Variants in MACROD2 observed in about 807,000 individuals in gnomAD.
The protein encoded by MACROD2 is mono-ADP ribosylhydrolase 2, also known as ADP-ribose glycohydrolase MACROD2.
A neutral mutation model predicts 70.4 loss-of-function variants in MACROD2; 36 were observed. The ratio of observed to expected loss-of-function variants is 0.51; its 90% CI spans 0.39 to 0.68. The LOEUF (loss-of-function observed/expected upper bound fraction) is 0.68, where lower values mean the gene tolerates loss of function less well. MACROD2 is among the 30% of genes least tolerant of loss of function. The probability of loss-of-function intolerance (pLI) is 0.00; values close to 1 mark genes in which losing one functional copy is unlikely to be tolerated. For synonymous variants in MACROD2, 172 were observed against 178.8 expected (o/e 0.96, Z 0.30); for missense variants, 496 against 538.4 (o/e 0.92, Z 0.78).
intron 3 of MACROD2, among the ~76,000 whole-genome samples, chr20:14,129,845 G>C (rs2054696043): frequency 6.6e-6 from 1 of 152,144 alleles, no homozygotes; most frequent in African/African-American, 2.4e-5. Flanking sequence ...ATTTTTTAAA[G>C]TAAGTTATGT....
chr20:14,131,213 G>T lies in MACROD2; in HGVS notation c.271+45485G>T, dbSNP rs1175040017. 2.0e-5 allele frequency among the ~76,000 whole-genome samples: 3 copies of T among 152,114 alleles called. No homozygotes were observed. In the East Asian group the frequency reaches 5.8e-4, roughly 29 times the overall value. On this transcript the variant is annotated intron_variant, in intron 3 of 17. Transcript: ENST00000684519. Reference sequence around the variant, plus strand: ...TTCTTTAAATGTATACTCTTCACTTGAGCAGGGGATAAAGAGTTGTTTTCT... The same window carrying T: ...TTCTTTAAATGTATACTCTTCACTTTAGCAGGGGATAAAGAGTTGTTTTCT...
chr20:15,366,354 C>CT, intron 6 of MACROD2, among the ~76,000 whole-genome samples: 1 of 152,224 alleles, frequency 6.6e-6, no homozygotes, highest in African/African-American at 2.4e-5. Context: ...TAAGGTGACA[C>CT]TTTTTGTGGA....
At chr20:14,631,869 A>G (rs1374565792) in intron 4 of MACROD2, 1 of 152,206 alleles carries the variant, frequency 6.6e-6, no homozygotes, top group East Asian at 1.9e-4. Context: ...TGCCATTGAC[A>G]ATCTTTGCTG....
chr20:14,332,381 C>A (rs552027038), intron 3 of MACROD2, among the ~76,000 whole-genome samples: 1 of 152,180 alleles, frequency 6.6e-6, no homozygotes, highest in South Asian at 2.1e-4. Context: ...CGGCAATCTA[C>A]ATGTTTATGT....
Position 13,995,648 on chromosome 20 carries a change from C to G in MACROD2, c.-116C>G, listed in dbSNP as rs1175299874. 6.6e-6 allele frequency: 6 copies of G among 907,242 alleles called. No homozygotes were observed. The highest frequency in any genetic ancestry group is 1.6e-5 in the African/African-American group (1 of 61,528). 56.2% of individuals were successfully genotyped at this position (907,242 alleles called of 1,614,324 possible). A position where few individuals can be genotyped will look rare whatever the true frequency, so the allele number is the denominator to read the frequency against. On this transcript the variant is annotated 5_prime_UTR_variant, in exon 1 of 18. Coordinates refer to ENST00000684519, the MANE Select transcript of MACROD2 (RefSeq NM_001351661.2). This position sits in a 1 kb window ranked among gnomAD's most constrained non-coding sequence, Gnocchi z 4.3. ...CGGCGAGCAGCGCAGGACGCAGAGC[C>G]TCTTTCACTTTTTCCCTGCTGAGTG...
chr20:14,040,726 G>C (rs564022270), intron 2 of MACROD2, among the ~76,000 whole-genome samples: 1 of 152,278 alleles, frequency 6.6e-6, no homozygotes, highest in African/African-American at 2.4e-5. Context: ...TTAAGTGATT[G>C]TGCTATGACA....
chr20:14,377,226 G>C (rs2083380207), intron 3 of MACROD2, among the ~76,000 whole-genome samples: 1 of 152,172 alleles, frequency 6.6e-6, no homozygotes, highest in South Asian at 2.1e-4. Context: ...GATGTAGCTT[G>C]TACTCTTATT....
intron 5 of MACROD2, among the ~76,000 whole-genome samples, chr20:14,785,402 G>A (rs892696291): frequency 6.6e-6 from 1 of 151,692 alleles, no homozygotes; most frequent in African/African-American, 2.4e-5. Context: ...CCTTTAATGG[G>A]ATGATAACCA....
chr20:15,555,842 AAAAAAAAAAAAAGG>A (rs1053222381), intron 8 of MACROD2, among the ~76,000 whole-genome samples: 7 of 147,166 alleles, frequency 4.8e-5, no homozygotes, highest in African/African-American at 1.8e-4. Flanking sequence ...AAAAAAAAAA[AAAAAAAAAAAAAGG>A]AAAAGAAAAG....
intron 5 of MACROD2, among the ~76,000 whole-genome samples, chr20:14,941,420 C>G (rs2074388697): frequency 6.6e-6 from 1 of 152,036 alleles, no homozygotes; most frequent in African/African-American, 2.4e-5. Context: ...GCTAGGGAAC[C>G]CAATATGGTA....
At chr20:15,516,730 CAG>C (rs2047573286) in intron 8 of MACROD2, among the ~76,000 whole-genome samples, 1 of 152,142 alleles carries the variant, frequency 6.6e-6, no homozygotes, top group Admixed American at 6.5e-5. Flanking sequence ...CAAGAGGTCT[CAG>C]AGAGTTTGTA....
At chr20:15,793,195 G>A (rs1428508304) in intron 8 of MACROD2, among the ~76,000 whole-genome samples, 8 of 152,072 alleles carry the variant, frequency 5.3e-5, no homozygotes. Context: ...AACTCCGATT[G>A]CCTTTGTGTA....
At chr20:14,553,428 T>C (rs1264465229) in intron 4 of MACROD2, among the ~76,000 whole-genome samples, 1 of 150,280 alleles carries the variant, frequency 6.7e-6, no homozygotes, top group Non-Finnish European at 1.5e-5. Flanking sequence ...TTTTTTTTTT[T>C]AGTAAGTAGA....
chr20:15,008,531 G>A (rs539668400), intron 5 of MACROD2, among the ~76,000 whole-genome samples: 1 of 152,292 alleles, frequency 6.6e-6, no homozygotes, highest in Admixed American at 6.5e-5. Context: ...ACCTGATCAT[G>A]GTGCAGGTTC....
chr20:14,972,332 C>T (rs1435309813), intron 5 of MACROD2, among the ~76,000 whole-genome samples: 5 of 152,128 alleles, frequency 3.3e-5, no homozygotes, highest in Non-Finnish European at 7.4e-5. Context: ...ATTGCTGTAG[C>T]CATCTTTGGA....
At chr20:14,841,020 A>C (rs1191855958) in intron 5 of MACROD2, among the ~76,000 whole-genome samples, 2 of 152,182 alleles carry the variant, frequency 1.3e-5, no homozygotes, top group African/African-American at 2.4e-5. Flanking sequence ...TTTCAGGTCA[A>C]AACTAAGAAT....
At chr20:15,321,204 G>A (rs1216833597) in intron 6 of MACROD2, among the ~76,000 whole-genome samples, 2 of 135,446 alleles carry the variant, frequency 1.5e-5, no homozygotes, top group African/African-American at 5.1e-5. Flanking sequence ...GTTCCTGCTT[G>A]TTCTTTTTTT....
chr20:14,176,041 CTGTAAA>C (rs1186343421), intron 3 of MACROD2, among the ~76,000 whole-genome samples: 1 of 152,150 alleles, frequency 6.6e-6, no homozygotes, highest in Non-Finnish European at 1.5e-5. Context: ...GATATGTCTC[CTGTAAA>C]TGTTACTAAC....
chr20:14,326,862 A>G lies in MACROD2; in HGVS notation c.272-166617A>G. On this transcript the variant is annotated intron_variant, in intron 3 of 17. Transcript: ENST00000684519. This position sits in a 1 kb window ranked among gnomAD's most constrained non-coding sequence, Gnocchi z 5.5. ...GGTTGAAGAAAACTTTGTCACCTAA[A>G]CCATGATTGTTCAACAGGTTTCCAT... 6.2e-7 allele frequency: 1 copy of G among 1,613,752 alleles called. No homozygotes were observed. The highest frequency in any genetic ancestry group is 8.5e-7 in the Non-Finnish European group (1 of 1,179,788).
Sources: allele counts gnomAD v4.1 joint callset (sites outside exome capture counted in the v4.1 genomes callset), GRCh38; gene constraint gnomAD v4.1.1; non-coding constraint Gnocchi (gnomAD v3.1); transcripts MANE v1.5; gene names NCBI Gene and HGNC (gene_info 2026-07-23, HGNC 2026-07-21).